AGAP1: variants seen among roughly 807,000 people sequenced by gnomAD.
The protein encoded by AGAP1 is ArfGAP with GTPase domain, ankyrin repeat and PH domain 1.
A neutral mutation model predicts 105.3 loss-of-function variants in AGAP1; 29 were observed. The ratio of observed to expected loss-of-function variants is 0.28; its 90% confidence interval spans 0.21 to 0.38. The LOEUF (loss-of-function observed/expected upper bound fraction) is 0.38. Among genes scored for constraint, AGAP1 ranks in the 10% least tolerant of loss-of-function variants. The pLI, the probability that AGAP1 is intolerant of heterozygous loss-of-function variation, is 1.00. For missense variants in AGAP1, 998 were observed against 1,165.1 expected (o/e 0.86, Z 2.09); for synonymous variants, 509 against 485.9 (o/e 1.05, Z -0.63).
At chr2:235,668,887 G>C (rs1390668955) in intron 1 of AGAP1, among the ~76,000 whole-genome samples, 2 of 152,172 alleles carry the variant, frequency 1.3e-5, no homozygotes, top group Admixed American at 1.3e-4. Flanking sequence ...CAAGTGGTTT[G>C]TCAGTGAATA....
chr2:235,733,183 C>T lies in AGAP1; in HGVS notation c.311-7780C>T, dbSNP rs912406300. On this transcript the variant is annotated intron_variant, in intron 3 of 17. Coordinates refer to ENST00000304032, the MANE Select transcript of AGAP1 (RefSeq NM_001037131.3). The surrounding 1 kb of genome is among the most constrained non-coding windows in gnomAD (Gnocchi z 5.0). Reference sequence around the variant, plus strand: ...TATATCATTGTTCCCCTTGAGGTGCCCCCCTGCGTGGGTCACTTCTCCCGC... The same window carrying T: ...TATATCATTGTTCCCCTTGAGGTGCTCCCCTGCGTGGGTCACTTCTCCCGC... 2.0e-5 allele frequency among the ~76,000 whole-genome samples: 3 copies of T among 152,178 alleles called. No individual in the cohort carries two copies. Among genetic ancestry groups the T allele is most frequent in the African/African-American group, 7.2e-5 (3 of 41,444 alleles).
chr2:235,927,600 G>A lies in AGAP1; in HGVS notation c.1325-3165G>A, dbSNP rs2052516266. Among the ~76,000 whole-genome samples, 1 of 152,184 alleles carries A rather than the reference G, an allele frequency of 6.6e-6. No homozygotes were observed. The highest frequency in any genetic ancestry group is 1.5e-5 in the Non-Finnish European group (1 of 68,026). On this transcript the variant is annotated intron_variant, in intron 11 of 17. Coordinates refer to ENST00000304032, the MANE Select transcript of AGAP1 (RefSeq NM_001037131.3). This position sits in a 1 kb window ranked among gnomAD's most constrained non-coding sequence, Gnocchi z 4.4. ...AGCAACCTCCATTGGAACATTTCGT[G>A]GTCCCTTGTCTGGGGTTGAGATTGA...
chr2:235,773,923 T>C (rs1450416589), intron 6 of AGAP1: 3 of 465,874 alleles, frequency 6.4e-6, no homozygotes, highest in East Asian at 1.4e-4. Context: ...ATTTTACGTT[T>C]GAAGACAATC....
Position 235,747,323 on chromosome 2 carries a change from TGAATTCCATGAACATCCGTTGATCGGA to T in AGAP1, c.538+2485_538+2511del. Among the ~76,000 whole-genome samples, 1 of 152,126 alleles carries T rather than the reference TGAATTCCATGAACATCCGTTGATCGGA, an allele frequency of 6.6e-6. No homozygotes were observed. The highest frequency in any genetic ancestry group is 2.1e-4 in the South Asian group (1 of 4,826). On this transcript the variant is annotated intron_variant, in intron 5 of 17. Transcript: ENST00000304032. The surrounding 1 kb of genome is among the most constrained non-coding windows in gnomAD (Gnocchi z 5.0). ...AAGAAAGTACCCCCATTTATTCCCA[TGAATTCCATGAACATCCGTTGATCGGA>T]TGTGGAAAGATGCCCAGGAAGGCCC... is the stretch of plus-strand genomic sequence containing the variant.
At position 235,494,928 on chromosome 2, in the gene AGAP1, G is replaced by C. The variant is rs946333061; in HGVS notation, c.163+79G>C. On this transcript the variant is annotated intron_variant, in intron 1 of 17. Transcript: ENST00000304032. ...GCGGGGGTGTGCGCTGTGTGCGTGCGGGTGTCCACACACGCCGGCCGGGGC... is the reference window on the plus strand; with the variant it reads ...GCGGGGGTGTGCGCTGTGTGCGTGCCGGTGTCCACACACGCCGGCCGGGGC... The C allele has an allele frequency of 5.8e-6, 8 of 1,378,856 alleles. No individual in the cohort carries two copies. The African/African-American group carries it at 1.2e-4, about 21-fold the overall frequency. 85.4% of individuals were successfully genotyped at this position (1,378,856 alleles called of 1,614,324 possible). A position where few individuals can be genotyped will look rare whatever the true frequency, so the allele number is the denominator to read the frequency against.
In AGAP1 at chr2:236,090,743, T is replaced by C. The variant is rs1435635667; in HGVS notation, c.2115-29449T>C. On this transcript the variant is annotated intron_variant, in intron 16 of 17. Coordinates refer to ENST00000304032, the MANE Select transcript of AGAP1 (RefSeq NM_001037131.3). This position sits in a 1 kb window ranked among gnomAD's most constrained non-coding sequence, Gnocchi z 4.3. ...GTTGTGTTTGTTTTGTTTTTTGTTT[T>C]GTTTTGTTTTTTTGAGACAGAGTTT... 6.6e-6 allele frequency among the ~76,000 whole-genome samples: 1 copy of C among 152,174 alleles called. No homozygotes were observed. The highest frequency in any genetic ancestry group is 2.4e-5 in the African/African-American group (1 of 41,428).
At chr2:235,745,412 T>C (rs1246987820) in intron 5 of AGAP1, among the ~76,000 whole-genome samples, 1 of 152,210 alleles carries the variant, frequency 6.6e-6, no homozygotes, top group Non-Finnish European at 1.5e-5. Flanking sequence ...ACTTGGTCTC[T>C]TAGTGGAGTG....
intron 9 of AGAP1, among the ~76,000 whole-genome samples, chr2:235,868,556 C>T (rs1026784216): frequency 1.3e-5 from 2 of 152,156 alleles, no homozygotes; most frequent in African/African-American, 4.8e-5. Context: ...TAACGATGAT[C>T]CCTGTGCGAG....
intron 1 of AGAP1, among the ~76,000 whole-genome samples, chr2:235,640,603 T>C (rs1451096237): frequency 2.0e-5 from 3 of 152,226 alleles, no homozygotes; most frequent in African/African-American, 7.2e-5. Flanking sequence ...TTAAGCTGTC[T>C]AATTGGCAAT....
chr2:235,799,339 A>G lies in AGAP1; in HGVS notation c.802-28A>G. The stretch of plus-strand genomic sequence containing the variant: ...TCTTGGGTTCCTGAGTATGTCGTTA[A>G]TGAAACCTTGGATTTTAATCATTTC... On this transcript the variant is annotated intron_variant, in intron 7 of 17. Transcript: ENST00000304032. The surrounding 1 kb of genome is among the most constrained non-coding windows in gnomAD (Gnocchi z 5.0). 6.2e-7 allele frequency: 1 copy of G among 1,609,338 alleles called. No individual in the cohort carries two copies. Among genetic ancestry groups the G allele is most frequent in the Non-Finnish European group, 8.5e-7 (1 of 1,177,060 alleles).
intron 1 of AGAP1, among the ~76,000 whole-genome samples, chr2:235,658,657 C>T (rs554564086): frequency 8.3e-4 from 127 of 152,108 alleles, no homozygotes; most frequent in South Asian, 4.2e-3. Flanking sequence ...GAGCTGTTGG[C>T]GGGGCAGAGC....
chr2:235,572,939 G>T (rs558038557), intron 1 of AGAP1, among the ~76,000 whole-genome samples: 8 of 152,168 alleles, frequency 5.3e-5, no homozygotes, highest in African/African-American at 1.9e-4. Flanking sequence ...GAAGCAGCAC[G>T]AGAGTTGCTG....
chr2:235,833,682 C>T (rs1372513070), intron 9 of AGAP1, among the ~76,000 whole-genome samples: 1 of 152,016 alleles, frequency 6.6e-6, no homozygotes, highest in African/African-American at 2.4e-5. Flanking sequence ...ATGAATGGAA[C>T]AATAACTGGT....
chr2:236,120,791 G>C lies in AGAP1; in HGVS notation c.2370+344G>C, dbSNP rs1363036899. Among the ~76,000 whole-genome samples the C allele has an allele frequency of 2.0e-5, 3 of 152,174 alleles. No homozygotes were observed. The highest frequency in any genetic ancestry group is 7.2e-5 in the African/African-American group (3 of 41,442). On this transcript the variant is annotated intron_variant, in intron 17 of 17. Coordinates refer to ENST00000304032, the MANE Select transcript of AGAP1 (RefSeq NM_001037131.3). This position sits in a 1 kb window ranked among gnomAD's most constrained non-coding sequence, Gnocchi z 6.0. ...GGGTTTCCCCATTTCCAAACCTTTG[G>C]TGTTTTTATTCACTTAACACAGAAA...
intron 1 of AGAP1, among the ~76,000 whole-genome samples, chr2:235,626,191 T>C (rs985531146): frequency 7.5e-6 from 1 of 132,612 alleles, no homozygotes; most frequent in East Asian, 2.1e-4. Flanking sequence ...CTACTAAAAA[T>C]ACAAAAAAAA....
In AGAP1 at chr2:236,036,192, A is replaced by T. The variant is rs2057376136; in HGVS notation, c.1646-369A>T. 6.6e-6 allele frequency among the ~76,000 whole-genome samples: 1 copy of T among 152,166 alleles called. No homozygotes were observed. On this transcript the variant is annotated intron_variant, in intron 13 of 17. Transcript: ENST00000304032. This position sits in a 1 kb window ranked among gnomAD's most constrained non-coding sequence, Gnocchi z 5.7. ...ATAGAAATTAACCCTGCAGCCGGAG[A>T]TTAGCGGCCCTAACTTAATTTTCGT...
intron 16 of AGAP1, among the ~76,000 whole-genome samples, chr2:236,068,538 C>T (rs562188265): frequency 2.6e-5 from 4 of 151,958 alleles, no homozygotes; most frequent in Non-Finnish European, 4.4e-5. Flanking sequence ...CGGTGGCTCA[C>T]GCCTGTAATC....
intron 12 of AGAP1, among the ~76,000 whole-genome samples, chr2:235,940,765 CT>C (rs1277553579): frequency 3.3e-5 from 5 of 152,306 alleles, no homozygotes; most frequent in South Asian, 2.1e-4. Context: ...ATCCTGTTTG[CT>C]TATGTGTCTT....
intron 1 of AGAP1, among the ~76,000 whole-genome samples, chr2:235,706,223 T>G (rs1310734966): frequency 3.3e-5 from 5 of 152,146 alleles, no homozygotes; most frequent in African/African-American, 1.2e-4. Flanking sequence ...TTTTGTTTGT[T>G]TGTTTGTTTT....
Sources: allele counts gnomAD v4.1 joint callset (sites outside exome capture counted in the v4.1 genomes callset), GRCh38; gene constraint gnomAD v4.1.1; non-coding constraint Gnocchi (gnomAD v3.1); transcripts MANE v1.5; gene names NCBI Gene and HGNC (gene_info 2026-07-23, HGNC 2026-07-21).